The following WDR36 variants were observed in gnomAD, a reference collection of about 807,000 sequenced individuals.
WDR36 encodes WD repeat-containing protein 36.
In WDR36, 63 loss-of-function variants were observed where a neutral mutation model predicts 112.7. The observed-to-expected ratio is 0.56, with a 90% CI of 0.46 to 0.69. The LOEUF is 0.69. Ranked by LOEUF, WDR36 falls within the 30% of genes least tolerant of loss-of-function variation. WDR36 has a pLI of 0.00. For synonymous variants in WDR36, 410 were observed against 362.2 expected, an observed-to-expected ratio of 1.13 and a Z score of -1.50; for missense variants, 1,226 against 1,070.3, an observed-to-expected ratio of 1.15 and a Z score of -2.03.
intron 3 of WDR36, among the ~76,000 whole-genome samples, chr5:111,097,496 G>T (rs769581567): frequency 6.6e-6 from 1 of 152,214 alleles, no homozygotes; most frequent in Non-Finnish European, 1.5e-5. Context: ...GACATAATGT[G>T]TATTATTAAG....
intron 12 of WDR36, among the ~76,000 whole-genome samples, chr5:111,109,007 C>T (rs188308038): frequency 2.2e-4 from 34 of 151,242 alleles, no homozygotes; most frequent in African/African-American, 8.2e-4. Flanking sequence ...CAATTTGTTA[C>T]TCAAAGATAA....
rs747656057 is a variant in WDR36, at chr5:111,092,569, G to A, written c.113G>A (p.Arg38His). 1.9e-6 allele frequency: 3 copies of A among 1,613,578 alleles called. No individual in the cohort carries two copies. The South Asian group carries it at 3.3e-5, about 18-fold the overall frequency. Residue 38 changes from arginine (R) to histidine (H), a missense_variant, in exon 1 of 23, where the codon CGC becomes CAC. Arg to His is a conservative substitution (Grantham distance 29). Coordinates refer to ENST00000513710, the MANE Select transcript of WDR36 (RefSeq NM_139281.3). ...GTGGTGCGGTTCAGCGCGCTCAAGC[G>A]CCGGTTCTATGTAACAACCTGCGTG... ...PHVVRFSALK[R>H]RFYVTTCVGK...
intron 2 of WDR36, chr5:111,095,185 T>C (rs1752948972): frequency 2.0e-6 from 1 of 492,726 alleles, no homozygotes; most frequent in Non-Finnish European, 3.7e-6. Flanking sequence ...CTTCATGACA[T>C]TGACACATTG....
At position 111,097,451 on chromosome 5, in the gene WDR36, C is replaced by T. The variant is rs190513314; in HGVS notation, c.291+272C>T. On this transcript the variant is annotated intron_variant, in intron 3 of 22. Coordinates refer to ENST00000513710, the MANE Select transcript of WDR36 (RefSeq NM_139281.3). ...TTTTTTATGCCGTTAGTTCCCATCTCAGGAGTTTTCTATTTTGTATATTTG... is the reference window on the plus strand; with the variant it reads ...TTTTTTATGCCGTTAGTTCCCATCTTAGGAGTTTTCTATTTTGTATATTTG... Among the ~76,000 whole-genome samples the T allele has an allele frequency of 1.1e-4, 16 of 152,220 alleles. 1 individual carries two copies. Among genetic ancestry groups the T allele is most frequent in the African/African-American group, 3.9e-4 (16 of 41,532 alleles).
intron 12 of WDR36, among the ~76,000 whole-genome samples, chr5:111,107,953 T>C (rs1036691705): frequency 2.0e-5 from 3 of 151,246 alleles, no homozygotes; most frequent in African/African-American, 7.3e-5. Flanking sequence ...TTTTCAAGAT[T>C]GTTTTGGCTC....
In WDR36 at chr5:111,120,584, C is replaced by G; in HGVS notation, c.1993C>G (p.Gln665Glu). The G allele has an allele frequency of 6.2e-7, 1 of 1,611,032 alleles. No individual in the cohort carries two copies. Residue 665 changes from glutamine (Q) to glutamate (E), a missense_variant, in exon 18 of 23, where the codon CAA (glutamine) becomes GAA (glutamate). By Grantham distance (29) the Gln-to-Glu change is conservative (BLOSUM62 2). Coordinates refer to ENST00000513710, the MANE Select transcript of WDR36 (RefSeq NM_139281.3). ...AATAGTCATGCTTCCTGGTACTTGT[C>G]AAACCCAAGGTAATTAGAAAATTGC... is the stretch of plus-strand genomic sequence containing the variant. ...PSIVMLPGTC[Q>E]TQDVEVSEET...
intron 2 of WDR36, among the ~76,000 whole-genome samples, chr5:111,095,644 G>A (rs934968264): frequency 3.9e-5 from 6 of 152,080 alleles, no homozygotes; most frequent in African/African-American, 7.2e-5. Flanking sequence ...GAACATTTCC[G>A]ATTTCAGATT....
rs186097065 is a variant in WDR36 at position 111,101,959 on chromosome 5, A to G, written c.543-386A>G. ...TTGAGAGCAGCATTACTGTTGTCATATAACAGTCATATAACATGCAAATAA... is the reference window on the plus strand; with the variant it reads ...TTGAGAGCAGCATTACTGTTGTCATGTAACAGTCATATAACATGCAAATAA... On this transcript the variant is annotated intron_variant, in intron 5 of 22. Coordinates refer to ENST00000513710, the MANE Select transcript of WDR36 (RefSeq NM_139281.3). Among the ~76,000 whole-genome samples, 360 of 151,936 alleles carry G rather than the reference A, an allele frequency of 2.4e-3. 2 individuals are homozygous for G. The highest frequency in any genetic ancestry group is 0.017 in the Middle Eastern group (5 of 294).
Position 111,110,216 on chromosome 5 carries a change from T to C in WDR36, c.1354T>C (p.Phe452Leu). 2 of 1,610,856 alleles carry C rather than the reference T, an allele frequency of 1.2e-6. No homozygotes were observed. Among genetic ancestry groups the C allele is most frequent in the Non-Finnish European group, 1.7e-6 (2 of 1,177,556 alleles). The change falls in exon 13 of 23, where the codon TTT becomes CTT. Residue 452 changes from phenylalanine (F) to leucine (L), a missense_variant. By Grantham distance (22) the Phe-to-Leu change is conservative (BLOSUM62 0). Coordinates refer to ENST00000513710, the MANE Select transcript of WDR36 (RefSeq NM_139281.3). ...AGTGGATATAACTTCTTGTGGAAACTTTGCTGTAATTGGCCTCTCATCAGG... is the reference window on the plus strand; with the variant it reads ...AGTGGATATAACTTCTTGTGGAAACCTTGCTGTAATTGGCCTCTCATCAGG... ...TAVDITSCGN[F>L]AVIGLSSGTV...
chr5:111,122,967 A>C (rs1479631755), intron 19 of WDR36, among the ~76,000 whole-genome samples: 1 of 152,088 alleles, frequency 6.6e-6, no homozygotes, highest in Non-Finnish European at 1.5e-5. Context: ...AAAATGAGCC[A>C]GGCATGTTGT....
chr5:111,119,132 C>G lies in WDR36; in HGVS notation c.1904+12C>G, dbSNP rs754680610. The stretch of plus-strand genomic sequence containing the variant: ...GGAATTTATCTATGGTAAGTTCTTT[C>G]ATACAGTTCTGTTTTGGGATGAAGA... On this transcript the variant is annotated intron_variant, in intron 17 of 22. Coordinates refer to ENST00000513710, the MANE Select transcript of WDR36 (RefSeq NM_139281.3). 1.3e-6 allele frequency: 2 copies of G among 1,586,456 alleles called. No individual in the cohort carries two copies. Among genetic ancestry groups the G allele is most frequent in the South Asian group, 2.2e-5 (2 of 90,550 alleles).
intron 22 of WDR36, 42 bp from the exon 23 acceptor site, chr5:111,126,692 T>C (rs765987109): frequency 6.2e-7 from 1 of 1,605,444 alleles, no homozygotes; most frequent in Admixed American, 1.7e-5. Flanking sequence ...AGGTAAAATT[T>C]TAATTTTCTT....
intron 12 of WDR36, among the ~76,000 whole-genome samples, chr5:111,107,692 T>G (rs2112575541): frequency 6.6e-6 from 1 of 151,466 alleles, no homozygotes; most frequent in African/African-American, 2.4e-5. Context: ...CAAATTCATT[T>G]TTTTACATGT....
At chr5:111,110,335 T>G in intron 13 of WDR36, 32 bp downstream of exon 13, 1 of 1,518,354 alleles carries the variant, frequency 6.6e-7, no homozygotes, top group Middle Eastern at 1.7e-4. Flanking sequence ...TTTTTATTAA[T>G]GTAGATAGAT....
rs1317188296 is a variant in WDR36 at position 111,125,619 on chromosome 5, C to G, written c.2362C>G (p.Leu788Val). 18 of 1,613,306 alleles carry G rather than the reference C, an allele frequency of 1.1e-5. No individual in the cohort carries two copies. Among genetic ancestry groups the G allele is most frequent in the African/African-American group, 1.3e-5 (1 of 74,888 alleles). Residue 788 changes from leucine (L) to valine (V), a missense_variant, in exon 22 of 23, where the codon CTC (leucine) becomes GTC (valine). Leu to Val is a conservative substitution (Grantham distance 32, BLOSUM62 1). Coordinates refer to ENST00000513710, the MANE Select transcript of WDR36 (RefSeq NM_139281.3). ...GLVNNKYDTA[L>V]NLLKESGPSG... Reference sequence around the variant, plus strand: ...AAAATTTAATGCAGATGACACTGCTCTCAACCTTCTGAAAGAATCAGGCCC... The same window carrying G: ...AAAATTTAATGCAGATGACACTGCTGTCAACCTTCTGAAAGAATCAGGCCC...
chr5:111,106,197 A>G, intron 11 of WDR36, 54 bp downstream of exon 11: 1 of 1,416,334 alleles, frequency 7.1e-7, no homozygotes, highest in Non-Finnish European at 1.0e-6. Flanking sequence ...TTTATTTCCT[A>G]CTGTATGCTG....
rs1295989420 is a variant in WDR36 at position 111,113,162 on chromosome 5, A to G, written c.1796+9A>G. On this transcript the variant is annotated intron_variant, in intron 16 of 22. Transcript: ENST00000513710. ...GACCTTCCTTCTGGGTGGTAAGTTT[A>G]TATTTCTAATTCCCTAACCTCTATA... 4 of 1,528,492 alleles carry G rather than the reference A, an allele frequency of 2.6e-6. No homozygotes were observed. The highest frequency in any genetic ancestry group is 3.6e-6 in the Non-Finnish European group (4 of 1,109,334). The allele number at this position is 1,528,492 out of a possible 1,614,324, so 94.7% of individuals were successfully genotyped here.
intron 5 of WDR36, 60 bp from the exon 6 acceptor site, chr5:111,102,285 T>C (rs923986610): frequency 6.2e-5 from 80 of 1,287,066 alleles, no homozygotes; most frequent in Non-Finnish European, 8.0e-5. Flanking sequence ...AATGTGTAGC[T>C]GATATTGTTT....
chr5:111,100,275 A>AT lies in WDR36; in HGVS notation c.410-314_410-313insT, dbSNP rs1753096353. Among the ~76,000 whole-genome samples the AT allele has an allele frequency of 2.6e-5, 4 of 151,904 alleles. 1 individual carries two copies. In the South Asian group the frequency reaches 8.3e-4, roughly 31 times the overall value. ...ATCAAATTACAGAAACATGAATGCT[A>AT]ATCCTTAGGATCTTTTTTTTTTAAC... On this transcript the variant is annotated intron_variant, in intron 4 of 22. Coordinates refer to ENST00000513710, the MANE Select transcript of WDR36 (RefSeq NM_139281.3).
Sources: gnomAD v4.1 joint callset for allele counts (sites outside exome capture counted in the v4.1 genomes callset) on GRCh38, gnomAD v4.1.1 for gene constraint, MANE v1.5 for transcripts, NCBI Gene and HGNC (gene_info 2026-07-23, HGNC 2026-07-21) for gene names.